SLC35F1: variants seen among roughly 807,000 people sequenced by gnomAD.
SLC35F1 encodes chromosome 6 open reading frame 169.
A neutral mutation model predicts 48.7 loss-of-function variants in SLC35F1; 14 were observed. The observed-to-expected ratio is 0.29, with a 90% CI of 0.19 to 0.45. SLC35F1 has a LOEUF of 0.45. SLC35F1 is among the 20% of genes least tolerant of loss of function. SLC35F1 has a pLI of 1.00. For missense variants in SLC35F1, 404 were observed against 500.0 expected, an observed-to-expected ratio of 0.81 and a Z score of 1.83; for synonymous variants, 190 against 202.2, an observed-to-expected ratio of 0.94 and a Z score of 0.51.
chr6:118,238,076 C>G (rs1003534008), intron 3 of SLC35F1, among the ~76,000 whole-genome samples: 2 of 152,158 alleles, frequency 1.3e-5, no homozygotes, highest in Non-Finnish European at 2.9e-5. Flanking sequence ...TTTCCCACTA[C>G]AGATGTCCCA....
intron 1 of SLC35F1, among the ~76,000 whole-genome samples, chr6:117,917,688 G>C (rs543375489): frequency 6.6e-6 from 1 of 152,298 alleles, no homozygotes; most frequent in East Asian, 1.9e-4. Context: ...ACTTTGGCAA[G>C]TAAAGTTAGA....
At chr6:118,290,532 TACTC>T (rs750065399) in intron 7 of SLC35F1, among the ~76,000 whole-genome samples, 60 of 151,362 alleles carry the variant, frequency 4.0e-4, no homozygotes, top group African/African-American at 1.1e-3. Flanking sequence ...AAAAGCAAAA[TACTC>T]AATTAATTTA....
intron 3 of SLC35F1, among the ~76,000 whole-genome samples, chr6:118,237,232 A>G (rs1775377201): frequency 1.3e-5 from 2 of 152,110 alleles, no homozygotes; most frequent in African/African-American, 4.8e-5. Context: ...TTAGACATAA[A>G]CACACCAATT....
At position 117,944,508 on chromosome 6, in the gene SLC35F1, T is replaced by G. The variant is rs571174686; in HGVS notation, c.173+36609T>G. 5.3e-5 allele frequency among the ~76,000 whole-genome samples: 8 copies of G among 152,038 alleles called. No individual in the cohort carries two copies. The South Asian group carries it at 1.7e-3, about 32-fold the overall frequency. On this transcript the variant is annotated intron_variant, in intron 1 of 7. Coordinates refer to ENST00000360388, the MANE Select transcript of SLC35F1 (RefSeq NM_001029858.4). The stretch of plus-strand genomic sequence containing the variant: ...AAAATACTGAGTATTGAAATGCTAG[T>G]TATTATTTTTGTTTTTATTTTCTCA...
At chr6:118,134,256 A>G (rs1582684988) in intron 1 of SLC35F1, among the ~76,000 whole-genome samples, 1 of 152,222 alleles carries the variant, frequency 6.6e-6, no homozygotes, top group East Asian at 1.9e-4. Context: ...CTTGTTGGAC[A>G]AGACATCTTG....
chr6:118,041,771 CT>C (rs2114902452), intron 1 of SLC35F1, among the ~76,000 whole-genome samples: 1 of 152,158 alleles, frequency 6.6e-6, no homozygotes, highest in East Asian at 1.9e-4. Context: ...CAGAAACAAG[CT>C]TGGTGTATCA....
chr6:117,953,839 G>T (rs1030981708), intron 1 of SLC35F1, among the ~76,000 whole-genome samples: 9 of 152,182 alleles, frequency 5.9e-5, no homozygotes, highest in African/African-American at 1.4e-4. Context: ...TCATAATGGG[G>T]CACAAAGCAG....
chr6:118,185,994 T>C (rs1411868099), intron 2 of SLC35F1, among the ~76,000 whole-genome samples: 1 of 152,232 alleles, frequency 6.6e-6, no homozygotes, highest in African/African-American at 2.4e-5. Context: ...AAGGATTTGA[T>C]GTATTTATTA....
Position 118,251,070 on chromosome 6 carries a change from T to C in SLC35F1, c.477+15434T>C, listed in dbSNP as rs556675525. On this transcript the variant is annotated intron_variant, in intron 3 of 7. Transcript: ENST00000360388. ...TGGGAGGCCGAGGCGGGCAGGTCGTTTGAGCTCAGGAGTTCAAGACAACTC... is the reference window on the plus strand; with the variant it reads ...TGGGAGGCCGAGGCGGGCAGGTCGTCTGAGCTCAGGAGTTCAAGACAACTC... 8.5e-5 allele frequency among the ~76,000 whole-genome samples: 13 copies of C among 152,216 alleles called. No individual in the cohort carries two copies. The East Asian group carries it at 2.5e-3, about 29-fold the overall frequency.
At chr6:118,213,497 G>T (rs1303125516) in intron 2 of SLC35F1, among the ~76,000 whole-genome samples, 1 of 152,154 alleles carries the variant, frequency 6.6e-6, no homozygotes, top group Non-Finnish European at 1.5e-5. Flanking sequence ...TTGGGTACTG[G>T]TAAGTTTTAC....
At chr6:118,213,197 C>G (rs1002710125) in intron 2 of SLC35F1, among the ~76,000 whole-genome samples, 3 of 152,164 alleles carry the variant, frequency 2.0e-5, no homozygotes, top group African/African-American at 7.2e-5. Context: ...ATATTAATAT[C>G]AAAGAGCTAA....
chr6:117,908,042 C>A, intron 1 of SLC35F1, 143 bp downstream of exon 1: 1 of 848,598 alleles, frequency 1.2e-6, no homozygotes, highest in Non-Finnish European at 1.6e-6. Flanking sequence ...GGCGACGACG[C>A]GCTCCGCGGG....
chr6:118,265,642 T>A (rs902873871), intron 3 of SLC35F1, among the ~76,000 whole-genome samples: 1 of 152,132 alleles, frequency 6.6e-6, no homozygotes, highest in Non-Finnish European at 1.5e-5. Flanking sequence ...TAGCTCAGTC[T>A]AGGTGGCAGA....
chr6:118,281,464 C>T (rs1775984046), intron 6 of SLC35F1, among the ~76,000 whole-genome samples: 1 of 152,144 alleles, frequency 6.6e-6, no homozygotes, highest in Non-Finnish European at 1.5e-5. Flanking sequence ...CCCAGCCTCC[C>T]TTGTCAACTG....
At chr6:117,960,845 T>G (rs1326233224) in intron 1 of SLC35F1, among the ~76,000 whole-genome samples, 1 of 152,196 alleles carries the variant, frequency 6.6e-6, no homozygotes, top group African/African-American at 2.4e-5. Context: ...TTGTACTGTT[T>G]GTTTCTTACG....
At chr6:117,938,037 G>A (rs148578039) in intron 1 of SLC35F1, among the ~76,000 whole-genome samples, 26 of 152,184 alleles carry the variant, frequency 1.7e-4, no homozygotes, top group African/African-American at 6.0e-4. Context: ...ATCATCTATG[G>A]CATAAAATGA....
At chr6:118,224,759 G>T (rs547127842) in intron 2 of SLC35F1, among the ~76,000 whole-genome samples, 1 of 152,234 alleles carries the variant, frequency 6.6e-6, no homozygotes, top group South Asian at 2.1e-4. Flanking sequence ...TGTAGATTTT[G>T]TATCTTGCAA....
intron 7 of SLC35F1, among the ~76,000 whole-genome samples, chr6:118,296,202 C>A (rs1776182089): frequency 6.6e-6 from 1 of 152,210 alleles, no homozygotes. Flanking sequence ...TTTTGTGCTA[C>A]AATGGCAGTG....
chr6:118,193,841 A>G (rs206180), intron 2 of SLC35F1, among the ~76,000 whole-genome samples: 49,659 of 152,078 alleles, frequency 0.33, 10,600 homozygotes, highest in African/African-American at 0.61. Context: ...ATTTTCAAAA[A>G]CCAAAGAAGC....
Sources: gnomAD v4.1 joint callset for allele counts (sites outside exome capture counted in the v4.1 genomes callset) on GRCh38, gnomAD v4.1.1 for gene constraint, MANE v1.5 for transcripts, NCBI Gene and HGNC (gene_info 2026-07-23, HGNC 2026-07-21) for gene names.